The following GRIK2 variants were observed in gnomAD, a reference collection of about 807,000 sequenced individuals.
GRIK2 encodes the protein glutamate ionotropic receptor kainate type subunit 2, also known as glutamate receptor ionotropic, kainate 2.
In GRIK2, 32 loss-of-function variants were observed where a neutral mutation model predicts 100.3. That is an observed-to-expected ratio of 0.32 (90% CI 0.24 to 0.43). GRIK2 has a LOEUF of 0.43. Ranked by LOEUF, GRIK2 falls within the 20% of genes least tolerant of loss-of-function variation. The pLI, the probability that GRIK2 is intolerant of heterozygous loss-of-function variation, is 1.00. For synonymous variants in GRIK2, 417 were observed against 389.4 expected (o/e 1.07, Z -0.83); for missense variants, 843 against 1,114.9 (o/e 0.76, Z 3.47).
chr6:101,918,279 GA>G (rs952902067), intron 12 of GRIK2, among the ~76,000 whole-genome samples: 7 of 151,546 alleles, frequency 4.6e-5, no homozygotes, highest in Non-Finnish European at 7.4e-5. Context: ...TCAGCTTAAG[GA>G]AAAAAAGTGT....
intron 4 of GRIK2, among the ~76,000 whole-genome samples, chr6:101,670,642 G>A (rs187416926): frequency 1.3e-4 from 20 of 152,072 alleles, no homozygotes; most frequent in Admixed American, 1.2e-3. Flanking sequence ...ACTATATAAC[G>A]CCTTTCCTTT....
At chr6:101,454,753 G>A (rs1770903267) in intron 2 of GRIK2, among the ~76,000 whole-genome samples, 1 of 152,012 alleles carries the variant, frequency 6.6e-6, no homozygotes, top group South Asian at 2.1e-4. Flanking sequence ...TTTTGCTTCA[G>A]TGAGGCATAA....
At chr6:101,613,218 A>G (rs1278212020) in intron 2 of GRIK2, among the ~76,000 whole-genome samples, 2 of 151,756 alleles carry the variant, frequency 1.3e-5, no homozygotes, top group African/African-American at 4.8e-5. Flanking sequence ...GTTAGCTAGA[A>G]TAATTAAGAA....
At chr6:101,499,529 A>C (rs551284036) in intron 2 of GRIK2, among the ~76,000 whole-genome samples, 1 of 152,206 alleles carries the variant, frequency 6.6e-6, no homozygotes, top group South Asian at 2.1e-4. Flanking sequence ...CTTTGATTTT[A>C]TGATTCTTAA....
chr6:101,835,596 G>C (rs1000070476), intron 10 of GRIK2, among the ~76,000 whole-genome samples: 1 of 145,566 alleles, frequency 6.9e-6, no homozygotes, highest in East Asian at 2.2e-4. Flanking sequence ...TCAGCCCCCC[G>C]AGCAGCTAGG....
At chr6:101,796,626 T>C (rs760308997) in intron 7 of GRIK2, among the ~76,000 whole-genome samples, 7 of 152,186 alleles carry the variant, frequency 4.6e-5, no homozygotes, top group African/African-American at 7.2e-5. Context: ...TGTTTATTGA[T>C]TTATAAGTAA....
At chr6:101,945,389 G>GT (rs1434749596) in intron 14 of GRIK2, among the ~76,000 whole-genome samples, 1 of 152,028 alleles carries the variant, frequency 6.6e-6, no homozygotes, top group Admixed American at 6.6e-5. Context: ...TTTGTTCCCA[G>GT]TTTCATCATT....
intron 7 of GRIK2, among the ~76,000 whole-genome samples, chr6:101,719,478 A>T (rs1470720487): frequency 6.6e-6 from 1 of 151,956 alleles, no homozygotes; most frequent in Non-Finnish European, 1.5e-5. Flanking sequence ...TGGGAGAAAG[A>T]AAAAAAGGGA....
At chr6:101,823,862 G>GTT (rs11454516) in intron 10 of GRIK2, among the ~76,000 whole-genome samples, 13,920 of 130,164 alleles carry the variant, frequency 0.11, 1,464 homozygotes, top group East Asian at 0.62. Context: ...AGTAAGTTCT[G>GTT]TTTTTTTTTT....
chr6:102,035,351 T>G lies in GRIK2; in HGVS notation c.2096T>G (p.Ile699Ser). ...ATTTATTTTCTTCAGAAATCAAAAA[T>G]CTCCACGTATGACAAAATGTGGGCC... is the stretch of plus-strand genomic sequence containing the variant. ...ATMTFFKKSK[I>S]STYDKMWAFM... Residue 699 changes from isoleucine to serine, a missense_variant, in exon 15 of 17, where the codon ATC (isoleucine) becomes AGC (serine). Physicochemically the swap from Ile to Ser is moderately radical, Grantham distance 142 (BLOSUM62 -2). Around this residue, in one of 3 missense-constraint regions of GRIK2, gnomAD observed 237 missense variants for 388.0 expected, o/e 0.61. Transcript: ENST00000369134. The G allele has an allele frequency of 6.3e-7, 1 of 1,589,394 alleles. No homozygotes were observed. The highest frequency in any genetic ancestry group is 8.6e-7 in the Non-Finnish European group (1 of 1,161,774).
At chr6:101,983,303 A>G (rs1442757713) in intron 14 of GRIK2, among the ~76,000 whole-genome samples, 3 of 151,836 alleles carry the variant, frequency 2.0e-5, no homozygotes, top group African/African-American at 7.2e-5. Flanking sequence ...AGAGAAAATG[A>G]TGGTTGTTTT....
At chr6:101,507,894 C>A (rs922190804) in intron 2 of GRIK2, among the ~76,000 whole-genome samples, 2 of 152,096 alleles carry the variant, frequency 1.3e-5, no homozygotes, top group Non-Finnish European at 2.9e-5. Flanking sequence ...TTAGTGTTAT[C>A]ATTATATTTC....
chr6:101,752,946 T>G, intron 7 of GRIK2, among the ~76,000 whole-genome samples: 1 of 152,048 alleles, frequency 6.6e-6, no homozygotes, highest in Non-Finnish European at 1.5e-5. Flanking sequence ...TATTAGAAGG[T>G]AAACTTTGAA....
chr6:101,801,707 A>G (rs1780681836), intron 8 of GRIK2, among the ~76,000 whole-genome samples: 2 of 151,940 alleles, frequency 1.3e-5, no homozygotes, highest in African/African-American at 4.8e-5. Context: ...TTACGTTAAA[A>G]AAGTCCAGAT....
chr6:101,798,516 C>T (rs1040791440), intron 7 of GRIK2, among the ~76,000 whole-genome samples: 3 of 151,914 alleles, frequency 2.0e-5, no homozygotes, highest in Non-Finnish European at 4.4e-5. Flanking sequence ...GCATTGTGCT[C>T]TTTAGCCATC....
chr6:101,736,883 TC>T (rs1456686912), intron 7 of GRIK2, among the ~76,000 whole-genome samples: 1 of 152,214 alleles, frequency 6.6e-6, no homozygotes, highest in Admixed American at 6.5e-5. Context: ...ACTTTTATGC[TC>T]TGCTTCCCTT....
At chr6:101,849,534 T>G (rs548850159) in intron 10 of GRIK2, among the ~76,000 whole-genome samples, 2 of 152,190 alleles carry the variant, frequency 1.3e-5, no homozygotes, top group South Asian at 4.1e-4. Context: ...CCTTCTACTT[T>G]CAATCAACTT....
intron 4 of GRIK2, among the ~76,000 whole-genome samples, chr6:101,665,593 C>G (rs560084930): frequency 1.3e-5 from 2 of 152,236 alleles, no homozygotes; most frequent in African/African-American, 4.8e-5. Context: ...ACTAAGTTCT[C>G]TATATTTTAA....
At chr6:101,778,131 T>C (rs866264219) in intron 7 of GRIK2, among the ~76,000 whole-genome samples, 4 of 152,276 alleles carry the variant, frequency 2.6e-5, no homozygotes, top group Non-Finnish European at 4.4e-5. Flanking sequence ...TAGACATTGT[T>C]CTTATCCAAA....
Sources: gnomAD v4.1 joint callset for allele counts (sites outside exome capture counted in the v4.1 genomes callset) on GRCh38, gnomAD v4.1.1 for gene constraint, gnomAD v4.1.1 regional missense constraint, MANE v1.5 for transcripts, NCBI Gene and HGNC (gene_info 2026-07-23, HGNC 2026-07-21) for gene names.